The following OR6N1 variants were observed in gnomAD, a reference collection of about 807,000 sequenced individuals.
OR6N1 encodes the protein olfactory receptor 6N1.
For synonymous variants in OR6N1, 170 were observed against 150.7 expected, an observed-to-expected ratio of 1.13 and a Z score of -0.94; for missense variants, 394 against 371.7, an observed-to-expected ratio of 1.06 and a Z score of -0.49.
At chr1:158,829,862 G>C in the OR6N1 span, among the ~76,000 whole-genome samples, 1 of 152,158 alleles carries the variant, frequency 6.6e-6, no homozygotes, top group Non-Finnish European at 1.5e-5. Context: ...AGGCAAGGAG[G>C]AGCAAGTCAC....
the OR6N1 span, among the ~76,000 whole-genome samples, chr1:158,837,293 T>C: frequency 3.3e-5 from 5 of 151,970 alleles, no homozygotes; most frequent in East Asian, 7.7e-4. Context: ...CTACCTATTA[T>C]TGAAAGTGGA....
At chr1:158,809,879 C>G in the OR6N1 span, among the ~76,000 whole-genome samples, 92 of 152,178 alleles carry the variant, frequency 6.0e-4, no homozygotes, top group African/African-American at 2.1e-3. Context: ...GATAATTCAC[C>G]CAGCAGATAC....
the OR6N1 span, among the ~76,000 whole-genome samples, chr1:158,811,112 C>T: frequency 1.3e-5 from 2 of 152,182 alleles, no homozygotes; most frequent in African/African-American, 4.8e-5. Context: ...TTAGCTCCCA[C>T]TTATAATTGA....
chr1:158,826,146 T>TA, the OR6N1 span, among the ~76,000 whole-genome samples: 825 of 143,196 alleles, frequency 5.8e-3, 8 homozygotes, highest in African/African-American at 0.015. Flanking sequence ...AGGAGAATAT[T>TA]AAAAAAAAAA....
Position 158,766,222 on chromosome 1 carries a change from G to A in OR6N1, c.461C>T (p.Ala154Val), listed in dbSNP as rs1657257974. ...IAIGCWLGGL[A>V]GPVVEISLIS... ...CAAGGAAATTTCAACTACTGGCCCA[G>A]CCAAGCCTCCCAACCAACAGCCAAT... Residue 154 changes from alanine (A) to valine (V), a missense_variant, in exon 2 of 2, where the codon GCT (alanine) becomes GTT (valine). Physicochemically the swap from Ala to Val is moderately conservative, Grantham distance 64. Transcript: ENST00000641846. 6.2e-7 allele frequency: 1 copy of A among 1,613,972 alleles called. No homozygotes were observed. Among genetic ancestry groups the A allele is most frequent in the African/African-American group, 1.3e-5 (1 of 74,910 alleles).
the OR6N1 span, among the ~76,000 whole-genome samples, chr1:158,803,090 A>G: frequency 7.9e-5 from 12 of 152,338 alleles, no homozygotes; most frequent in Admixed American, 7.8e-4. Context: ...TGCTATATTA[A>G]ATTTAAGATA....
At chr1:158,831,855 A>T in the OR6N1 span, among the ~76,000 whole-genome samples, 1 of 152,166 alleles carries the variant, frequency 6.6e-6, no homozygotes, top group Non-Finnish European at 1.5e-5. Flanking sequence ...TGGCTGGAGG[A>T]TGACTTGGTG....
the OR6N1 span, among the ~76,000 whole-genome samples, chr1:158,819,614 C>T: frequency 2.6e-5 from 4 of 151,996 alleles, no homozygotes; most frequent in African/African-American, 9.7e-5. Flanking sequence ...ATGTATACCA[C>T]GGGAGTTCCA....
chr1:158,831,689 T>C, the OR6N1 span: 3 of 152,210 alleles, frequency 2.0e-5, no homozygotes, highest in Non-Finnish European at 4.4e-5. Flanking sequence ...GAGAACTGAA[T>C]GCTTTAACTG....
chr1:158,782,704 C>T, the OR6N1 span, among the ~76,000 whole-genome samples: 1 of 152,146 alleles, frequency 6.6e-6, no homozygotes, highest in South Asian at 2.1e-4. Flanking sequence ...TTAAGGTAGA[C>T]TAAAGCTGTA....
upstream of OR6N1, chr1:158,776,783 C>T: frequency 6.2e-7 from 1 of 1,613,954 alleles, no homozygotes; most frequent in Non-Finnish European, 8.5e-7. Context: ...ATTGGATTGA[C>T]CATTGGTGTT....
the OR6N1 span, among the ~76,000 whole-genome samples, chr1:158,794,077 C>G: frequency 6.6e-6 from 1 of 152,182 alleles, no homozygotes; most frequent in Non-Finnish European, 1.5e-5. Context: ...CTCATGCAAG[C>G]CTGAACCTGG....
chr1:158,798,222 TG>T, the OR6N1 span, among the ~76,000 whole-genome samples: 1 of 151,664 alleles, frequency 6.6e-6, no homozygotes, highest in Non-Finnish European at 1.5e-5. Flanking sequence ...ATATCATTTT[TG>T]TCATATATTT....
the OR6N1 span, among the ~76,000 whole-genome samples, chr1:158,816,502 C>A: frequency 0.12 from 17,547 of 152,108 alleles, 1,355 homozygotes; most frequent in South Asian, 0.31. Context: ...ACAGCCTGGG[C>A]AACAAAGCAA....
the OR6N1 span, among the ~76,000 whole-genome samples, chr1:158,781,732 A>C: frequency 6.6e-6 from 1 of 152,248 alleles, no homozygotes; most frequent in Non-Finnish European, 1.5e-5. Flanking sequence ...TTTTTAAAAC[A>C]AACAAATAAG....
the OR6N1 span, among the ~76,000 whole-genome samples, chr1:158,802,338 G>C: frequency 6.6e-6 from 1 of 151,262 alleles, no homozygotes; most frequent in South Asian, 2.1e-4. Flanking sequence ...CTCCCAAGTA[G>C]CTGGGACAAC....
Position 158,765,922 on chromosome 1 carries a change from C to T in OR6N1, c.761G>A (p.Ser254Asn), listed in dbSNP as rs1335946822. Residue 254 changes from serine (S) to asparagine (N), a missense_variant, in exon 2 of 2, where the codon AGC (serine) becomes AAC (asparagine). Ser to Asn is a conservative substitution (Grantham distance 46). Transcript: ENST00000641846. ...HFTVVLIFYG[S>N]ILSMYVQLKK... is the part of the protein sequence containing the mutation. ...CAGCTGCACATACATGGAAAGGATG[C>T]TCCCATAGAAGATGAGAACCACAGT... 1.2e-6 allele frequency: 2 copies of T among 1,614,076 alleles called. No homozygotes were observed. Among genetic ancestry groups the T allele is most frequent in the Non-Finnish European group, 1.7e-6 (2 of 1,180,026 alleles).
the OR6N1 span, among the ~76,000 whole-genome samples, chr1:158,807,534 T>C: frequency 6.6e-6 from 1 of 152,338 alleles, no homozygotes; most frequent in African/African-American, 2.4e-5. Context: ...AAAAGAAGCG[T>C]GATCAGAACT....
the OR6N1 span, among the ~76,000 whole-genome samples, chr1:158,787,196 C>T: frequency 6.6e-6 from 1 of 151,994 alleles, no homozygotes; most frequent in Admixed American, 6.6e-5. Context: ...CTCTTGCTCT[C>T]GCTCTACCAC....
Sources: gnomAD v4.1 joint callset for allele counts (sites outside exome capture counted in the v4.1 genomes callset) on GRCh38, gnomAD v4.1.1 for gene constraint, MANE v1.5 for transcripts, NCBI Gene and HGNC (gene_info 2026-07-23, HGNC 2026-07-21) for gene names.